Variants in GRID2 observed in about 807,000 individuals in gnomAD.
GRID2 encodes glutamate receptor ionotropic, delta-2.
In GRID2, 33 loss-of-function variants were observed where a neutral mutation model predicts 114.8. The observed-to-expected ratio is 0.29, with a 90% CI of 0.22 to 0.38. The LOEUF is 0.38. Ranked by LOEUF, GRID2 falls within the 10% of genes least tolerant of loss-of-function variation. GRID2 has a pLI of 1.00. For synonymous variants in GRID2, 505 were observed against 449.9 expected (o/e 1.12, Z -1.55); for missense variants, 1,184 against 1,257.7 (o/e 0.94, Z 0.89).
chr4:92,842,427 C>T (rs1453093962), intron 2 of GRID2, among the ~76,000 whole-genome samples: 1 of 152,040 alleles, frequency 6.6e-6, no homozygotes, highest in Admixed American at 6.6e-5. Flanking sequence ...ATGTTGAACT[C>T]ATCTATCTTA....
chr4:93,044,776 T>C (rs1725968777), intron 2 of GRID2, among the ~76,000 whole-genome samples: 2 of 152,182 alleles, frequency 1.3e-5, no homozygotes, highest in South Asian at 4.1e-4. Flanking sequence ...GAAGAGATTA[T>C]GGCAACCTTG....
chr4:92,387,651 T>A (rs1730030528), intron 1 of GRID2, among the ~76,000 whole-genome samples: 1 of 151,966 alleles, frequency 6.6e-6, no homozygotes, highest in Non-Finnish European at 1.5e-5. Flanking sequence ...GAAGTGTAAG[T>A]GGCTCTGGAA....
At chr4:93,582,179 C>T (rs78291591) in intron 13 of GRID2, among the ~76,000 whole-genome samples, 6,287 of 152,106 alleles carry the variant, frequency 0.041, 160 homozygotes, top group African/African-American at 0.07. Flanking sequence ...GAGCCCATTC[C>T]CTTGTCTTTT....
At chr4:92,646,483 AAAAAC>A (rs1425681902) in intron 2 of GRID2, among the ~76,000 whole-genome samples, 5 of 152,250 alleles carry the variant, frequency 3.3e-5, no homozygotes, top group Non-Finnish European at 7.3e-5. Flanking sequence ...ACTAAAAAAA[AAAAAC>A]TTGTTCACTC....
At chr4:92,353,143 C>G (rs1339364983) in intron 1 of GRID2, among the ~76,000 whole-genome samples, 2 of 151,720 alleles carry the variant, frequency 1.3e-5, no homozygotes, top group African/African-American at 4.8e-5. Flanking sequence ...CTTTTGAACT[C>G]TTTCATCTCC....
chr4:93,496,744 A>T (rs1727585381), intron 12 of GRID2, among the ~76,000 whole-genome samples: 1 of 151,858 alleles, frequency 6.6e-6, no homozygotes, highest in African/African-American at 2.4e-5. Flanking sequence ...AATCCATGGT[A>T]TGGATGTACC....
intron 13 of GRID2, among the ~76,000 whole-genome samples, chr4:93,523,678 T>C (rs1264581497): frequency 6.6e-6 from 1 of 152,124 alleles, no homozygotes; most frequent in East Asian, 1.9e-4. Flanking sequence ...GCCAGGTGCT[T>C]ACTGAGGTGT....
chr4:93,611,814 G>A (rs1159913893), intron 13 of GRID2, among the ~76,000 whole-genome samples: 3 of 151,616 alleles, frequency 2.0e-5, no homozygotes, highest in East Asian at 1.9e-4. Flanking sequence ...GGAGAGTTCT[G>A]TAGATGTCTA....
intron 8 of GRID2, among the ~76,000 whole-genome samples, chr4:93,273,868 A>G (rs1280621526): frequency 6.6e-6 from 1 of 152,182 alleles, no homozygotes; most frequent in African/African-American, 2.4e-5. Context: ...TTATCAAAAG[A>G]TAAATTTTCC....
intron 13 of GRID2, among the ~76,000 whole-genome samples, chr4:93,534,560 C>A (rs115713450): frequency 1.1e-4 from 17 of 152,214 alleles, no homozygotes; most frequent in Non-Finnish European, 2.1e-4. Context: ...AGATCCCAAG[C>A]ACCTTATAGG....
intron 13 of GRID2, among the ~76,000 whole-genome samples, chr4:93,529,202 C>A (rs1731213662): frequency 6.6e-6 from 1 of 152,152 alleles, no homozygotes; most frequent in Non-Finnish European, 1.5e-5. Context: ...AACCTCCAAA[C>A]CCAGATATCA....
intron 13 of GRID2, among the ~76,000 whole-genome samples, chr4:93,518,033 G>T (rs1729966644): frequency 7.4e-6 from 1 of 135,024 alleles, no homozygotes; most frequent in African/African-American, 3.0e-5. Flanking sequence ...GTACATGTAT[G>T]TATATATACG....
At chr4:93,153,393 T>A (rs1359367966) in intron 4 of GRID2, among the ~76,000 whole-genome samples, 1 of 152,060 alleles carries the variant, frequency 6.6e-6, no homozygotes, top group Non-Finnish European at 1.5e-5. Context: ...TTGCAGGCTT[T>A]CAGTACTCAG....
chr4:93,711,817 C>G (rs893137180), intron 14 of GRID2, among the ~76,000 whole-genome samples: 10 of 152,180 alleles, frequency 6.6e-5, no homozygotes, highest in African/African-American at 2.4e-4. Flanking sequence ...TCCTACCCTC[C>G]TCAGTGCCTC....
chr4:92,448,796 ATT>A (rs1309483150), intron 1 of GRID2, among the ~76,000 whole-genome samples: 75 of 152,240 alleles, frequency 4.9e-4, no homozygotes, highest in African/African-American at 1.7e-3. Context: ...ACATTTAAAT[ATT>A]TTATTAAAAC....
intron 1 of GRID2, among the ~76,000 whole-genome samples, chr4:92,514,164 C>A (rs1398195861): frequency 6.6e-6 from 1 of 151,786 alleles, no homozygotes; most frequent in African/African-American, 2.4e-5. Flanking sequence ...CCATAACAGC[C>A]TTAATTTCAC....
At chr4:92,961,926 T>G (rs561390807) in intron 2 of GRID2, among the ~76,000 whole-genome samples, 1 of 151,938 alleles carries the variant, frequency 6.6e-6, no homozygotes, top group Non-Finnish European at 1.5e-5. Context: ...TCAGGTAGTC[T>G]TCTCTCAACC....
chr4:92,417,259 G>A (rs1352770237), intron 1 of GRID2, among the ~76,000 whole-genome samples: 4 of 151,972 alleles, frequency 2.6e-5, no homozygotes, highest in African/African-American at 4.8e-5. Flanking sequence ...TAAAGTCCTA[G>A]GTATAAATAT....
chr4:92,436,896 G>A (rs1419968401), intron 1 of GRID2, among the ~76,000 whole-genome samples: 1 of 152,052 alleles, frequency 6.6e-6, no homozygotes, highest in Non-Finnish European at 1.5e-5. Flanking sequence ...TGTGTATAAT[G>A]TTTATCATAT....
Sources: allele counts gnomAD v4.1 joint callset (sites outside exome capture counted in the v4.1 genomes callset), GRCh38; gene constraint gnomAD v4.1.1; transcripts MANE v1.5; gene names NCBI Gene and HGNC (gene_info 2026-07-23, HGNC 2026-07-21).